Variants in FAM83G observed in about 807,000 individuals in gnomAD.
FAM83G encodes the protein protein FAM83G.
Under a neutral mutation model 61.5 loss-of-function variants are expected in FAM83G, and 38 were observed. That is an observed-to-expected ratio of 0.62 (90% confidence interval 0.48 to 0.81). The LOEUF is 0.81. FAM83G is among the 30% of genes least tolerant of loss of function. The pLI is 0.00. For missense variants in FAM83G, 989 were observed against 1,133.6 expected (o/e 0.87, Z 1.83); for synonymous variants, 470 against 476.1 (o/e 0.99, Z 0.17).
At position 19,003,578 on chromosome 17, in the gene FAM83G, A is replaced by G. The variant is rs757874463; in HGVS notation, c.464T>C (p.Ile155Thr). The G allele has an allele frequency of 8.8e-6, 14 of 1,596,406 alleles. No individual in the cohort carries two copies. Among genetic ancestry groups the G allele is most frequent in the South Asian group, 1.1e-5 (1 of 88,808 alleles). The change falls in exon 2 of 6, where the codon ATA becomes ACA. Residue 155 changes from isoleucine to threonine, a missense_variant. Ile to Thr is a moderately conservative substitution (Grantham distance 89, BLOSUM62 -1). Coordinates refer to ENST00000388995, the MANE Select transcript of FAM83G (RefSeq NM_001039999.3). The surrounding 1 kb of genome is among the most constrained non-coding windows in gnomAD (Gnocchi z 4.5). ...CTCTTTGATGTGGGCCTGCCCGTCTATGGGGGGCTGCATGTAGACGCTAGC... is the reference window on the plus strand; with the variant it reads ...CTCTTTGATGTGGGCCTGCCCGTCTGTGGGGGGCTGCATGTAGACGCTAGC... ...TRASVYMQPP[I>T]DGQAHIKEVV...
At position 18,988,484 on chromosome 17, in the gene FAM83G, C is replaced by T. The variant is rs996763650; in HGVS notation, c.523-70G>A. On this transcript the variant is annotated intron_variant, in intron 2 of 5. Transcript: ENST00000388995. ...GTGGGGACAGGGTGCCCTGGCAGAGCGCACAGCCCTCCCATGCCACCAGCC... is the reference window on the plus strand; with the variant it reads ...GTGGGGACAGGGTGCCCTGGCAGAGTGCACAGCCCTCCCATGCCACCAGCC... The T allele has an allele frequency of 4.4e-6, 7 of 1,581,788 alleles. No homozygotes were observed. The African/African-American group carries it at 5.4e-5, about 12-fold the overall frequency.
chr17:18,993,954 C>G (rs2043497663), intron 2 of FAM83G, among the ~76,000 whole-genome samples: 1 of 152,214 alleles, frequency 6.6e-6, no homozygotes, highest in Non-Finnish European at 1.5e-5. Flanking sequence ...TGCACGGACC[C>G]TCCTCGTCCT....
At chr17:18,995,155 A>G (rs772476500) in intron 2 of FAM83G, among the ~76,000 whole-genome samples, 193 of 152,210 alleles carry the variant, frequency 1.3e-3, no homozygotes, top group Non-Finnish European at 2.2e-3. Flanking sequence ...AGAAAACATG[A>G]TGCACATGAG....
chr17:18,971,579 A>G lies in FAM83G; in HGVS notation c.2252T>C (p.Val751Ala). Residue 751 changes from valine to alanine, a missense_variant, in exon 6 of 6, where the codon GTA becomes GCA. Val to Ala is a moderately conservative substitution (Grantham distance 64). This residue lies in a region of FAM83G where 574 missense variants were observed against 645.1 expected (regional missense o/e 0.89). Coordinates refer to ENST00000388995, the MANE Select transcript of FAM83G (RefSeq NM_001039999.3). The surrounding 1 kb of genome is among the most constrained non-coding windows in gnomAD (Gnocchi z 5.5). ...GCCGGGATCCGGAAGCAGGCGGGGTACCTGACCTCCCTTGGCCTGCCAGTG... is the reference window on the plus strand; with the variant it reads ...GCCGGGATCCGGAAGCAGGCGGGGTGCCTGACCTCCCTTGGCCTGCCAGTG... The part of the protein sequence containing the change: ...PHHWQAKGGQ[V>A]PRLLPDPGSP... The G allele has an allele frequency of 1.2e-6, 2 of 1,613,472 alleles. No individual in the cohort carries two copies. The highest frequency in any genetic ancestry group is 8.5e-7 in the Non-Finnish European group (1 of 1,179,998).
At chr17:18,984,894 C>G (rs141384248) in intron 3 of FAM83G, among the ~76,000 whole-genome samples, 1 of 152,246 alleles carries the variant, frequency 6.6e-6, no homozygotes, top group Non-Finnish European at 1.5e-5. Context: ...CCACTGGGGC[C>G]GGCCAGGGCA....
Position 19,003,710 on chromosome 17 carries a change from G to C in FAM83G, c.332C>G (p.Ala111Gly). 6.2e-7 allele frequency: 1 copy of C among 1,605,894 alleles called. No individual in the cohort carries two copies. The highest frequency in any genetic ancestry group is 8.5e-7 in the Non-Finnish European group (1 of 1,176,100). ...GTACTCCAGGGAGGGCAGCGGCTCG[G>C]CCTCGATGGGGACCCCATCCGCCCC... ...ASGADGVPIE[A>G]EPLPSLEYWP... is the part of the protein sequence containing the mutation. The change falls in exon 2 of 6, where the codon GCC (alanine) becomes GGC (glycine). Residue 111 changes from alanine to glycine, a missense_variant. By Grantham distance (60) the Ala-to-Gly change is moderately conservative (BLOSUM62 0). Around this residue, in one of 3 missense-constraint regions of FAM83G, gnomAD observed 371 missense variants for 404.5 expected, o/e 0.92. Transcript: ENST00000388995. This position sits in a 1 kb window ranked among gnomAD's most constrained non-coding sequence, Gnocchi z 4.5.
Position 18,978,871 on chromosome 17 carries a change from G to A in FAM83G, c.816-21C>T, listed in dbSNP as rs372789203. ...TGAAGCTGCAACAGAGGGAGGGGGC[G>A]CTGGTCAGGCACATGACCCTGCTTC... On this transcript the variant is annotated intron_variant, in intron 4 of 5. Coordinates refer to ENST00000388995, the MANE Select transcript of FAM83G (RefSeq NM_001039999.3). 1.6e-5 allele frequency: 26 copies of A among 1,608,512 alleles called. 1 individual carries two copies. Among genetic ancestry groups the A allele is most frequent in the African/African-American group, 2.7e-5 (2 of 74,880 alleles).
At chr17:18,994,937 C>A (rs2043525576) in intron 2 of FAM83G, among the ~76,000 whole-genome samples, 1 of 152,194 alleles carries the variant, frequency 6.6e-6, no homozygotes, top group African/African-American at 2.4e-5. Context: ...TTTGCAACTC[C>A]TACCCTGGAG....
Position 19,004,004 on chromosome 17 carries a change from T to A in FAM83G, c.38A>T (p.His13Leu). 1.9e-6 allele frequency: 3 copies of A among 1,611,258 alleles called. No individual in the cohort carries two copies. Among genetic ancestry groups the A allele is most frequent in the Non-Finnish European group, 1.7e-6 (2 of 1,179,078 alleles). ...GGACTCGCTGGAGCGCCAGTTCACATGGTTGTCGTCCAGACACTGCACCTG... is the reference window on the plus strand; with the variant it reads ...GGACTCGCTGGAGCGCCAGTTCACAAGGTTGTCGTCCAGACACTGCACCTG... ...FSQVQCLDDN[H>L]VNWRSSESKP... The change falls in exon 2 of 6, where the codon CAT becomes CTT. Residue 13 changes from histidine (H) to leucine (L), a missense_variant. By Grantham distance (99) the His-to-Leu change is moderately conservative. Transcript: ENST00000388995. The surrounding 1 kb of genome is among the most constrained non-coding windows in gnomAD (Gnocchi z 5.4).
chr17:18,977,083 A>G (rs759236995), intron 5 of FAM83G: 6 of 1,547,358 alleles, frequency 3.9e-6, no homozygotes, highest in Non-Finnish European at 5.2e-6. Context: ...GAGGCAAAGG[A>G]TAGATGTGAA....
At chr17:18,993,258 C>T (rs1281659776) in intron 2 of FAM83G, among the ~76,000 whole-genome samples, 1 of 152,212 alleles carries the variant, frequency 6.6e-6, no homozygotes, top group Non-Finnish European at 1.5e-5. Context: ...CTCCTTGCCA[C>T]CTGCCCATTT....
At position 18,971,197 on chromosome 17, in the gene FAM83G, C is replaced by G; in HGVS notation, c.*162G>C. 5.0e-6 allele frequency: 8 copies of G among 1,613,992 alleles called. No homozygotes were observed. The highest frequency in any genetic ancestry group is 6.8e-6 in the Non-Finnish European group (8 of 1,180,044). On this transcript the variant is annotated 3_prime_UTR_variant, in exon 6 of 6. Transcript: ENST00000388995. The surrounding 1 kb of genome is among the most constrained non-coding windows in gnomAD (Gnocchi z 5.5). ...CCTTTGGCCTGACCATCATGGCCAC[C>G]TGGTACTGGTGCACCGACCAGGTGA...
Position 18,971,598 on chromosome 17 carries a change from G to A in FAM83G, c.2233C>T (p.Gln745Ter), listed in dbSNP as rs2042856283. 5 of 1,613,474 alleles carry A rather than the reference G, an allele frequency of 3.1e-6. No individual in the cohort carries two copies. Among genetic ancestry groups the A allele is most frequent in the South Asian group, 2.2e-5 (2 of 91,088 alleles). ...GPAMAGPHHW[Q>*]AKGGQVPRLL... ...CGGGGTACCTGACCTCCCTTGGCCT[G>A]CCAGTGGTGGGGGCCAGCCATGGCT... The change falls in exon 6 of 6, where the codon CAG becomes TAG. Residue 745 changes from glutamine (Q) to a stop codon, truncating the protein, a stop_gained. Coordinates refer to ENST00000388995, the MANE Select transcript of FAM83G (RefSeq NM_001039999.3). LOFTEE classifies it high-confidence loss of function. This position sits in a 1 kb window ranked among gnomAD's most constrained non-coding sequence, Gnocchi z 5.5.
chr17:18,991,919 GT>G (rs1382067436), intron 2 of FAM83G, among the ~76,000 whole-genome samples: 1 of 152,170 alleles, frequency 6.6e-6, no homozygotes, highest in East Asian at 1.9e-4. Flanking sequence ...CTGCCAGGGT[GT>G]GGGAGGATGG....
chr17:18,977,589 C>A lies in FAM83G; in HGVS notation c.2077G>T (p.Ala693Ser). 6.2e-7 allele frequency: 1 copy of A among 1,607,724 alleles called. No homozygotes were observed. Residue 693 changes from alanine (A) to serine (S), a missense_variant, in exon 5 of 6, where the codon GCA becomes TCA. Ala to Ser is a moderately conservative substitution (Grantham distance 99, BLOSUM62 1). Coordinates refer to ENST00000388995, the MANE Select transcript of FAM83G (RefSeq NM_001039999.3). ...MQAQRSTDKE[A>S]QGQQFHHHRV... Reference sequence around the variant, plus strand: ...GTGCAGGGACCCTGACCCACCTGTGCCTCCTTGTCTGTGGAGCGCTGGGCC... The same window carrying A: ...GTGCAGGGACCCTGACCCACCTGTGACTCCTTGTCTGTGGAGCGCTGGGCC...
intron 2 of FAM83G, among the ~76,000 whole-genome samples, chr17:18,990,703 G>A (rs1246758713): frequency 2.6e-5 from 4 of 152,240 alleles, no homozygotes; most frequent in Non-Finnish European, 4.4e-5. Flanking sequence ...CCACAGTCCT[G>A]GCTCTCCCCA....
intron 5 of FAM83G, among the ~76,000 whole-genome samples, chr17:18,975,302 T>A (rs1426511105): frequency 6.6e-6 from 1 of 152,186 alleles, no homozygotes; most frequent in Non-Finnish European, 1.5e-5. Context: ...CAGGCATTCC[T>A]AGCCTCTGTA....
rs537020289 is a variant in FAM83G, at chr17:18,968,838, C to T, written c.*2521G>A. 1.7e-6 allele frequency: 1 copy of T among 573,828 alleles called. No individual in the cohort carries two copies. The highest frequency in any genetic ancestry group is 1.9e-5 in the African/African-American group (1 of 53,194). 35.5% of individuals were successfully genotyped at this position (573,828 alleles called of 1,614,324 possible). On this transcript the variant is annotated 3_prime_UTR_variant, in exon 6 of 6. Transcript: ENST00000388995. The surrounding 1 kb of genome is among the most constrained non-coding windows in gnomAD (Gnocchi z 4.1). ...TGGACTTTATTAGCAACAGTAATGT[C>T]CCCTGACATCCGCACAAGCTTGTAG... is the stretch of plus-strand genomic sequence containing the variant.
At chr17:19,002,096 T>G (rs1459256788) in intron 2 of FAM83G, among the ~76,000 whole-genome samples, 1 of 151,616 alleles carries the variant, frequency 6.6e-6, no homozygotes, top group Non-Finnish European at 1.5e-5. Context: ...GTCTGCAAAC[T>G]ATGAAGGTCC....
Sources: allele counts gnomAD v4.1 joint callset (sites outside exome capture counted in the v4.1 genomes callset), GRCh38; gene constraint gnomAD v4.1.1; regional missense constraint gnomAD v4.1.1; non-coding constraint Gnocchi (gnomAD v3.1); transcripts MANE v1.5; gene names NCBI Gene and HGNC (gene_info 2026-07-23, HGNC 2026-07-21).